The following ALDH2 variants were observed in gnomAD, a reference collection of about 807,000 sequenced individuals.
ALDH2 encodes the protein aldehyde dehydrogenase, mitochondrial.
A neutral mutation model predicts 59.6 loss-of-function variants in ALDH2; 44 were observed. The observed-to-expected ratio is 0.74, with a 90% confidence interval of 0.58 to 0.95. The LOEUF (loss-of-function observed/expected upper bound fraction) is 0.95. Ranked by LOEUF, ALDH2 falls within the 40% of genes least tolerant of loss-of-function variation. The pLI is 0.00. For synonymous variants in ALDH2, 291 were observed against 284.0 expected (o/e 1.02, Z -0.25); for missense variants, 570 against 696.3 (o/e 0.82, Z 2.04).
intron 1 of ALDH2, among the ~76,000 whole-genome samples, chr12:111,780,602 G>A (rs535676226): frequency 1.1e-3 from 160 of 152,148 alleles, no homozygotes; most frequent in African/African-American, 3.7e-3. Flanking sequence ...CTACCACCAC[G>A]GCTGGAGTTC....
chr12:111,810,561 A>G lies in ALDH2; in HGVS notation c.*986A>G, dbSNP rs570969212. 6.6e-6 allele frequency: 1 copy of G among 151,694 alleles called. No individual in the cohort carries two copies. Among genetic ancestry groups the G allele is most frequent in the African/African-American group, 2.4e-5 (1 of 41,294 alleles). The allele number at this position is 151,694 out of a possible 1,614,324, so 9.4% of individuals were successfully genotyped here. A position where few individuals can be genotyped will look rare whatever the true frequency, so the allele number is the denominator to read the frequency against. ...GCTCTAGAGACAGAACCTAAACATG[A>G]TGCCCAAGAGAGGGGAGAGATACTG... is the stretch of plus-strand genomic sequence containing the variant. On this transcript the variant is annotated 3_prime_UTR_variant, in exon 13 of 13. Transcript: ENST00000261733.
intron 2 of ALDH2, among the ~76,000 whole-genome samples, chr12:111,782,560 T>A (rs1468466527): frequency 4.0e-5 from 6 of 149,818 alleles, no homozygotes; most frequent in Non-Finnish European, 1.5e-5. Context: ...ATCTCTAAAG[T>A]AAACAAAGAA....
rs1366006138 is a variant in ALDH2 at position 111,814,545 on chromosome 12, A to G, written c.*4970A>G. 1 of 150,830 alleles carries G rather than the reference A, an allele frequency of 6.6e-6. No homozygotes were observed. The highest frequency in any genetic ancestry group is 1.5e-5 in the Non-Finnish European group (1 of 67,904). The allele number at this position is 150,830 out of a possible 1,614,324, so 9.3% of individuals were successfully genotyped here. A position where few individuals can be genotyped will look rare whatever the true frequency, so the allele number is the denominator to read the frequency against. ...ACAGAACGAGACTGTCTCAAAAAAAAAAAAAAAAAAAAGTGGCCAGGTGGT... is the reference window on the plus strand; with the variant it reads ...ACAGAACGAGACTGTCTCAAAAAAAGAAAAAAAAAAAAGTGGCCAGGTGGT... On this transcript the variant is annotated 3_prime_UTR_variant, in exon 13 of 13. Transcript: ENST00000261733.
intron 11 of ALDH2, among the ~76,000 whole-genome samples, chr12:111,800,709 T>C (rs2068445145): frequency 6.6e-6 from 1 of 152,192 alleles, no homozygotes; most frequent in African/African-American, 2.4e-5. Context: ...AACCCTCCTA[T>C]GTTGCTGATG....
intron 11 of ALDH2, among the ~76,000 whole-genome samples, chr12:111,801,990 C>T (rs2068455066): frequency 6.6e-6 from 1 of 152,116 alleles, no homozygotes; most frequent in South Asian, 2.1e-4. Context: ...TGCAGTGGCT[C>T]ACCCCTGTAA....
At position 111,810,609 on chromosome 12, in the gene ALDH2, T is replaced by C. The variant is rs528549648; in HGVS notation, c.*1034T>C. 3.3e-4 allele frequency: 50 copies of C among 151,628 alleles called. No individual in the cohort carries two copies. Among genetic ancestry groups the C allele is most frequent in the African/African-American group, 1.2e-3 (49 of 41,312 alleles). The allele number at this position is 151,628 out of a possible 1,614,324, so 9.4% of individuals were successfully genotyped here. A position where few individuals can be genotyped will look rare whatever the true frequency, so the allele number is the denominator to read the frequency against. On this transcript the variant is annotated 3_prime_UTR_variant, in exon 13 of 13. Transcript: ENST00000261733. ...CTGAATGTCCAATGTTCTCAAATTTTTTTTTTTTTTTTTTTTGAGACAGGG... is the reference window on the plus strand; with the variant it reads ...CTGAATGTCCAATGTTCTCAAATTTCTTTTTTTTTTTTTTTTGAGACAGGG...
chr12:111,798,281 C>A (rs377171183), intron 10 of ALDH2, 39 bp downstream of exon 10: 5 of 1,516,314 alleles, frequency 3.3e-6, no homozygotes, highest in African/African-American at 1.4e-5. Flanking sequence ...ACATTCTTGG[C>A]GGGAGGTGAG....
chr12:111,801,484 A>G (rs1475845629), intron 11 of ALDH2, among the ~76,000 whole-genome samples: 1 of 152,024 alleles, frequency 6.6e-6, no homozygotes, highest in Non-Finnish European at 1.5e-5. Flanking sequence ...AGGTCACTTG[A>G]GGTCAAGAGT....
In ALDH2 at chr12:111,803,990, C is replaced by T; in HGVS notation, c.1521+17C>T. ...GTGAAAACTGTGAGTGTGGGACCTG[C>T]TGGGGGCTCAGGGCCTGTTGGGGCT... On this transcript the variant is annotated intron_variant, in intron 12 of 12. Transcript: ENST00000261733. 1 of 1,572,336 alleles carries T rather than the reference C, an allele frequency of 6.4e-7. No homozygotes were observed. The highest frequency in any genetic ancestry group is 8.7e-7 in the Non-Finnish European group (1 of 1,154,664).
chr12:111,809,816 A>T lies in ALDH2; in HGVS notation c.*241A>T, dbSNP rs940094192. ...ACTGCTAGCTTTCAGGATGATTTTT[A>T]AAAAATAGATTCAAATGTGTTATCC... On this transcript the variant is annotated 3_prime_UTR_variant, in exon 13 of 13. Transcript: ENST00000261733. 7.1e-6 allele frequency: 4 copies of T among 563,216 alleles called. No individual in the cohort carries two copies. The highest frequency in any genetic ancestry group is 9.5e-6 in the Non-Finnish European group (3 of 317,408). 34.9% of individuals were successfully genotyped at this position (563,216 alleles called of 1,614,324 possible). A position where few individuals can be genotyped will look rare whatever the true frequency, so the allele number is the denominator to read the frequency against.
Position 111,813,388 on chromosome 12 carries a change from T to C in ALDH2, c.*3813T>C, listed in dbSNP as rs1456215312. ...AGGACAGCCCCTCCCACCGGTGTCC[T>C]TCCAACGATGTTGCATACAATTTGG... On this transcript the variant is annotated 3_prime_UTR_variant, in exon 13 of 13. Transcript: ENST00000261733. 1 of 152,222 alleles carries C rather than the reference T, an allele frequency of 6.6e-6. No individual in the cohort carries two copies. The highest frequency in any genetic ancestry group is 2.4e-5 in the African/African-American group (1 of 41,462). 9.4% of individuals were successfully genotyped at this position (152,222 alleles called of 1,614,324 possible). A position where few individuals can be genotyped will look rare whatever the true frequency, so the allele number is the denominator to read the frequency against.
chr12:111,767,758 A>C (rs1274228882), intron 1 of ALDH2, among the ~76,000 whole-genome samples: 1 of 152,236 alleles, frequency 6.6e-6, no homozygotes, highest in African/African-American at 2.4e-5. Flanking sequence ...TGATTGCTCA[A>C]TCAGTAATAC....
intron 9 of ALDH2, among the ~76,000 whole-genome samples, chr12:111,797,211 G>A (rs1042190020): frequency 6.6e-6 from 1 of 152,158 alleles, no homozygotes; most frequent in Non-Finnish European, 1.5e-5. Context: ...GAGATTACAG[G>A]CGTGAGCCAC....
intron 11 of ALDH2, among the ~76,000 whole-genome samples, chr12:111,802,214 C>G (rs1343946826): frequency 1.3e-5 from 2 of 151,984 alleles, no homozygotes; most frequent in African/African-American, 4.8e-5. Context: ...GAGTTCAAGA[C>G]CAGCCTGACC....
At chr12:111,788,824 A>T (rs1489486977) in intron 4 of ALDH2, among the ~76,000 whole-genome samples, 1 of 151,974 alleles carries the variant, frequency 6.6e-6, no homozygotes, top group Non-Finnish European at 1.5e-5. Context: ...CAATATAGGG[A>T]GACCCACATC....
At chr12:111,803,116 C>T (rs1219424164) in intron 11 of ALDH2, among the ~76,000 whole-genome samples, 2 of 151,580 alleles carry the variant, frequency 1.3e-5, no homozygotes, top group African/African-American at 4.8e-5. Context: ...ACCTGGGAGG[C>T]GGAGGTTGCA....
In ALDH2 at chr12:111,810,586, G is replaced by C. The variant is rs955448621; in HGVS notation, c.*1011G>C. On this transcript the variant is annotated 3_prime_UTR_variant, in exon 13 of 13. Transcript: ENST00000261733. The stretch of plus-strand genomic sequence containing the variant: ...ATGCCCAAGAGAGGGGAGAGATACT[G>C]AATGTCCAATGTTCTCAAATTTTTT... The C allele has an allele frequency of 6.6e-6, 1 of 151,796 alleles. No individual in the cohort carries two copies. Among genetic ancestry groups the C allele is most frequent in the African/African-American group, 2.4e-5 (1 of 41,236 alleles). The allele number at this position is 151,796 out of a possible 1,614,324, so 9.4% of individuals were successfully genotyped here.
chr12:111,805,245 G>A (rs186523099), intron 12 of ALDH2, among the ~76,000 whole-genome samples: 1 of 152,182 alleles, frequency 6.6e-6, no homozygotes, highest in South Asian at 2.1e-4. Flanking sequence ...AAACTGGAGC[G>A]TGGTGTTGCA....
Position 111,788,129 on chromosome 12 carries a change from G to C in ALDH2, c.441-1694G>C, listed in dbSNP as rs183864989. Among the ~76,000 whole-genome samples the C allele has an allele frequency of 2.6e-5, 4 of 152,238 alleles. No homozygotes were observed. The East Asian group carries it at 7.7e-4, about 29-fold the overall frequency. The stretch of plus-strand genomic sequence containing the variant: ...GGAGTCTGAGGCAGGAGAACCGCTT[G>C]AACCTGGGAGGCGGAGGTTGCAGTG... On this transcript the variant is annotated intron_variant, in intron 4 of 12. Coordinates refer to ENST00000261733, the MANE Select transcript of ALDH2 (RefSeq NM_000690.4).
Sources: allele counts gnomAD v4.1 joint callset (sites outside exome capture counted in the v4.1 genomes callset), GRCh38; gene constraint gnomAD v4.1.1; transcripts MANE v1.5; gene names NCBI Gene and HGNC (gene_info 2026-07-23, HGNC 2026-07-21).